The following HK2 variants were observed in gnomAD, a reference collection of about 807,000 sequenced individuals.
HK2 encodes hexokinase-2.
In HK2, 42 loss-of-function variants were observed where a neutral mutation model predicts 92.9. The ratio of observed to expected loss-of-function variants is 0.45; its 90% CI spans 0.35 to 0.58. The LOEUF (loss-of-function observed/expected upper bound fraction) is 0.58, where lower values mean the gene tolerates loss of function less well. Ranked by LOEUF, HK2 falls within the 20% of genes least tolerant of loss-of-function variation. The probability of loss-of-function intolerance (pLI) is 0.00; values close to 1 mark genes in which losing one functional copy is unlikely to be tolerated. For missense variants in HK2, 978 were observed against 1,245.1 expected (o/e 0.79, Z 3.23); for synonymous variants, 422 against 468.0 (o/e 0.90, Z 1.27).
chr2:74,877,459 C>T, intron 8 of HK2, 138 bp downstream of exon 8: 9 of 948,996 alleles, frequency 9.5e-6, no homozygotes, highest in South Asian at 6.8e-5. Flanking sequence ...TGGACCATGG[C>T]GGGCCTGTGG....
At chr2:74,847,245 A>G (rs1377471603) in intron 1 of HK2, among the ~76,000 whole-genome samples, 1 of 152,262 alleles carries the variant, frequency 6.6e-6, no homozygotes, top group African/African-American at 2.4e-5. Flanking sequence ...TGTGCCCTGC[A>G]GACACAAGTG....
At chr2:74,868,562 T>TAGTACCC in intron 3 of HK2, among the ~76,000 whole-genome samples, 1 of 152,284 alleles carries the variant, frequency 6.6e-6, no homozygotes, top group African/African-American at 2.4e-5. Flanking sequence ...TCTAGTACTC[T>TAGTACCC]TCGTGTTTTT....
rs1241606306 is a variant in HK2 at position 74,892,465 on chromosome 2, C to T, written c.*1524C>T. ...TTTTTGTGTTTTTCTTTTTTTTATA[C>T]ACAACATTTATTTCAAACTATTGGG... On this transcript the variant is annotated 3_prime_UTR_variant, in exon 18 of 18. Coordinates refer to ENST00000290573, the MANE Select transcript of HK2 (RefSeq NM_000189.5). The T allele has an allele frequency of 6.6e-6, 1 of 152,052 alleles. No individual in the cohort carries two copies. Among genetic ancestry groups the T allele is most frequent in the Non-Finnish European group, 1.5e-5 (1 of 68,018 alleles). 9.4% of individuals were successfully genotyped at this position (152,052 alleles called of 1,614,324 possible). A position where few individuals can be genotyped will look rare whatever the true frequency, so the allele number is the denominator to read the frequency against.
intron 15 of HK2, among the ~76,000 whole-genome samples, chr2:74,887,595 TGA>T (rs1433265736): frequency 6.6e-6 from 1 of 151,980 alleles, no homozygotes; most frequent in Non-Finnish European, 1.5e-5. Flanking sequence ...AGTTGCTTCT[TGA>T]AATTTCGAAA....
intron 2 of HK2, among the ~76,000 whole-genome samples, chr2:74,864,653 T>C (rs1347912295): frequency 6.6e-6 from 1 of 152,154 alleles, no homozygotes; most frequent in African/African-American, 2.4e-5. Flanking sequence ...ATTACAGGGC[T>C]ACGCCACCAT....
intron 12 of HK2, among the ~76,000 whole-genome samples, chr2:74,883,981 T>G (rs1204444155): frequency 2.0e-5 from 3 of 152,180 alleles, no homozygotes; most frequent in Admixed American, 6.5e-5. Context: ...GTAATCTCTT[T>G]ATAAAAAAAC....
chr2:74,885,601 A>G lies in HK2; in HGVS notation c.1935+12A>G. ...TCCACCGGCGAGAGGTAGGAGACAC[A>G]TGGCACGAGGTCTGATGTGTCAGCT... is the stretch of plus-strand genomic sequence containing the variant. On this transcript the variant is annotated intron_variant, in intron 13 of 17. Transcript: ENST00000290573. 3.2e-6 allele frequency: 5 copies of G among 1,574,050 alleles called. No homozygotes were observed. The South Asian group carries it at 3.3e-5, about 10-fold the overall frequency.
chr2:74,851,926 C>T (rs771422287), intron 1 of HK2, among the ~76,000 whole-genome samples: 4 of 152,194 alleles, frequency 2.6e-5, no homozygotes, highest in Non-Finnish European at 4.4e-5. Flanking sequence ...GCTGTTTGAC[C>T]TGTATAGACC....
Position 74,834,160 on chromosome 2 carries a change from C to G in HK2, c.-421C>G. The G allele has an allele frequency of 2.9e-6, 1 of 346,180 alleles. No homozygotes were observed. The highest frequency in any genetic ancestry group is 5.7e-6 in the Non-Finnish European group (1 of 176,118). The allele number at this position is 346,180 out of a possible 1,614,324, so 21.4% of individuals were successfully genotyped here. On this transcript the variant is annotated 5_prime_UTR_variant, in exon 1 of 18. Transcript: ENST00000290573. This position sits in a 1 kb window ranked among gnomAD's most constrained non-coding sequence, Gnocchi z 4.2. ...GCATGAAACTCCGGCGCAGGAGTCC[C>G]GGGCTGCCGCTGGCAACATCGTGTC...
intron 3 of HK2, among the ~76,000 whole-genome samples, chr2:74,868,468 A>G (rs907880601): frequency 1.3e-5 from 2 of 152,180 alleles, no homozygotes; most frequent in African/African-American, 2.4e-5. Flanking sequence ...ATTCATCTGT[A>G]AAAAGGGATG....
Position 74,865,004 on chromosome 2 carries a change from G to A in HK2, c.227-2632G>A, listed in dbSNP as rs149503436. ...AATGAGGCCTGCCTACCTGTCTAAG[G>A]TCCAGTGCCTAACCACTGCTCTGGC... On this transcript the variant is annotated intron_variant, in intron 2 of 17. Coordinates refer to ENST00000290573, the MANE Select transcript of HK2 (RefSeq NM_000189.5). Among the ~76,000 whole-genome samples, 123 of 151,500 alleles carry A rather than the reference G, an allele frequency of 8.1e-4. 1 individual carries two copies. The East Asian group carries it at 0.02, about 25-fold the overall frequency.
chr2:74,858,687 C>T (rs1211739774), intron 2 of HK2, among the ~76,000 whole-genome samples: 1 of 152,176 alleles, frequency 6.6e-6, no homozygotes, highest in African/African-American at 2.4e-5. Flanking sequence ...TCCCCATCAC[C>T]AGGGGCCCTG....
rs769417876 is a variant in HK2 at position 74,878,714 on chromosome 2, G to T, written c.1058G>T (p.Arg353Leu). ...EGEKDGIRKAREVLMRLGLDP... is the reference protein window; with the variant it reads ...EGEKDGIRKALEVLMRLGLDP... ...GAGAAGGATGGCATCCGGAAGGCCCGTGAGGTCCTGATGCGGTTGGGCCTG... is the reference window on the plus strand; with the variant it reads ...GAGAAGGATGGCATCCGGAAGGCCCTTGAGGTCCTGATGCGGTTGGGCCTG... Residue 353 changes from arginine to leucine, a missense_variant, in exon 9 of 18, where the codon CGT becomes CTT. By Grantham distance (102) the Arg-to-Leu change is moderately radical. Transcript: ENST00000290573. 1 of 1,606,760 alleles carries T rather than the reference G, an allele frequency of 6.2e-7. No homozygotes were observed. The highest frequency in any genetic ancestry group is 2.2e-5 in the East Asian group (1 of 44,630).
At chr2:74,847,725 G>A (rs1175901442) in intron 1 of HK2, among the ~76,000 whole-genome samples, 2 of 152,094 alleles carry the variant, frequency 1.3e-5, no homozygotes, top group Non-Finnish European at 2.9e-5. Flanking sequence ...CAAACTTGAC[G>A]AAGCTCCAAG....
intron 3 of HK2, among the ~76,000 whole-genome samples, chr2:74,871,326 CT>C (rs1487224624): frequency 6.6e-6 from 1 of 152,206 alleles, no homozygotes; most frequent in African/African-American, 2.4e-5. Flanking sequence ...TAGTTGACCT[CT>C]TATCCACCTT....
chr2:74,889,605 A>G (rs1441737725), intron 17 of HK2, 127 bp downstream of exon 17: 2 of 762,700 alleles, frequency 2.6e-6, no homozygotes, highest in Non-Finnish European at 4.6e-6. Flanking sequence ...TATATAATAC[A>G]TGGATTATAG....
intron 10 of HK2, 75 bp downstream of exon 10, chr2:74,880,644 TAGC>T: frequency 7.3e-7 from 1 of 1,378,810 alleles, no homozygotes; most frequent in Non-Finnish European, 1.0e-6. Flanking sequence ...AGGGATCCCT[TAGC>T]ATTAGCATTG....
At chr2:74,840,014 G>A (rs1204052299) in intron 1 of HK2, among the ~76,000 whole-genome samples, 1 of 138,432 alleles carries the variant, frequency 7.2e-6, no homozygotes, top group African/African-American at 2.8e-5. Flanking sequence ...GGAGTACAGT[G>A]GCGTGATCTC....
intron 2 of HK2, among the ~76,000 whole-genome samples, chr2:74,862,912 AGAT>A (rs1688864227): frequency 6.6e-6 from 1 of 152,222 alleles, no homozygotes. Flanking sequence ...CTTTTAAAAC[AGAT>A]GATGAAATCT....
Sources: gnomAD v4.1 joint callset for allele counts (sites outside exome capture counted in the v4.1 genomes callset) on GRCh38, gnomAD v4.1.1 for gene constraint, Gnocchi (gnomAD v3.1) non-coding constraint, MANE v1.5 for transcripts, NCBI Gene and HGNC (gene_info 2026-07-23, HGNC 2026-07-21) for gene names.